The following FIGN variants were observed in gnomAD, a reference collection of about 807,000 sequenced individuals.
The protein encoded by FIGN is fidgetin, microtubule severing factor, also known as fidgetin.
FIGN carries 11 observed loss-of-function variants against 51.3 expected under a neutral mutation model. That is an observed-to-expected ratio of 0.21 (90% CI 0.13 to 0.35). The LOEUF (loss-of-function observed/expected upper bound fraction) is 0.35. Among genes scored for constraint, FIGN ranks in the 10% least tolerant of loss-of-function variants. The pLI, the probability that FIGN is intolerant of heterozygous loss-of-function variation, is 1.00. For missense variants in FIGN, 857 were observed against 943.6 expected, an observed-to-expected ratio of 0.91 and a Z score of 1.20; for synonymous variants, 407 against 363.2, an observed-to-expected ratio of 1.12 and a Z score of -1.37.
rs2105293406 is a variant in FIGN, at chr2:163,603,242, T to A, written c.*6310A>T. On this transcript the variant is annotated 3_prime_UTR_variant, in exon 3 of 3. Transcript: ENST00000333129. ...ATGTAAAATAATGCACACAAAAAAATGATTTGAAATTTGCAGAACAAATAA... is the reference window on the plus strand; with the variant it reads ...ATGTAAAATAATGCACACAAAAAAAAGATTTGAAATTTGCAGAACAAATAA... The A allele has an allele frequency of 6.6e-6, 1 of 152,172 alleles. No individual in the cohort carries two copies. The highest frequency in any genetic ancestry group is 2.1e-4 in the South Asian group (1 of 4,830). 9.4% of individuals were successfully genotyped at this position (152,172 alleles called of 1,614,324 possible).
intron 2 of FIGN, among the ~76,000 whole-genome samples, chr2:163,649,946 T>C (rs558492703): frequency 6.6e-6 from 1 of 152,314 alleles, no homozygotes; most frequent in East Asian, 1.9e-4. Context: ...AGTACCATTA[T>C]TGCCCAGCGT....
rs542083694 is a variant in FIGN at position 163,726,351 on chromosome 2, C to A, written c.25+8552G>T. Among the ~76,000 whole-genome samples the A allele has an allele frequency of 1.3e-4, 20 of 152,168 alleles. No individual in the cohort carries two copies. The East Asian group carries it at 3.5e-3, about 27-fold the overall frequency. On this transcript the variant is annotated intron_variant, in intron 2 of 2. Transcript: ENST00000333129. ...CACGATAAGGGCAGGGGGGATAAGA[C>A]CCACATCTTTTGTAAGTTGGGCCTA... is the stretch of plus-strand genomic sequence containing the variant.
intron 2 of FIGN, chr2:163,612,685 G>A (rs971401316): frequency 2.0e-5 from 17 of 835,820 alleles, no homozygotes; most frequent in Non-Finnish European, 2.3e-5. Context: ...GGTACTAAGA[G>A]GGGAGAATGT....
chr2:163,725,575 T>C lies in FIGN; in HGVS notation c.25+9328A>G, dbSNP rs1013862479. ...GAACTACCATTACATGGTGGTAAAA[T>C]TGTAGATTTTTTACCCATGATTATG... On this transcript the variant is annotated intron_variant, in intron 2 of 2. Transcript: ENST00000333129. 4.6e-5 allele frequency among the ~76,000 whole-genome samples: 7 copies of C among 152,026 alleles called. No individual in the cohort carries two copies. In the East Asian group the frequency reaches 1.3e-3, roughly 29 times the overall value.
chr2:163,668,834 G>A (rs1267529458), intron 2 of FIGN, among the ~76,000 whole-genome samples: 2 of 151,798 alleles, frequency 1.3e-5, no homozygotes, highest in Non-Finnish European at 2.9e-5. Flanking sequence ...CCAGCTACTC[G>A]GGAGGCTGAG....
intron 2 of FIGN, among the ~76,000 whole-genome samples, chr2:163,731,814 C>T (rs1347551583): frequency 1.3e-5 from 2 of 151,978 alleles, no homozygotes; most frequent in African/African-American, 2.4e-5. Context: ...ATACAGCTTC[C>T]AAACAGAAGT....
intron 2 of FIGN, among the ~76,000 whole-genome samples, chr2:163,671,231 T>C (rs1683870458): frequency 6.6e-6 from 1 of 152,304 alleles, no homozygotes; most frequent in Non-Finnish European, 1.5e-5. Context: ...AAATATTCCA[T>C]GTGTAGCACA....
chr2:163,708,611 T>C (rs1192358298), intron 2 of FIGN, among the ~76,000 whole-genome samples: 1 of 152,162 alleles, frequency 6.6e-6, no homozygotes, highest in Non-Finnish European at 1.5e-5. Flanking sequence ...ATGTCAGTAG[T>C]AATTAAAATA....
Position 163,634,010 on chromosome 2 carries a change from T to TCAGC in FIGN, c.26-22208_26-22205dup, listed in dbSNP as rs201517159. Among the ~76,000 whole-genome samples, 667 of 152,168 alleles carry TCAGC rather than the reference T, an allele frequency of 4.4e-3. 21 individuals are homozygous for TCAGC. Among genetic ancestry groups the TCAGC allele is most frequent in the Admixed American group, 0.039 (592 of 15,272 alleles). The stretch of plus-strand genomic sequence containing the variant: ...TTCATTCCTTTGCCAATGCTTTAGG[T>TCAGC]CAGCTTCAACTCTTTTCAGCACAGT... On this transcript the variant is annotated intron_variant, in intron 2 of 2. Coordinates refer to ENST00000333129, the MANE Select transcript of FIGN (RefSeq NM_018086.4).
chr2:163,706,751 G>A (rs1167915450), intron 2 of FIGN, among the ~76,000 whole-genome samples: 1 of 152,258 alleles, frequency 6.6e-6, no homozygotes. Context: ...CAGCAACACT[G>A]AAATATTAGT....
intron 2 of FIGN, among the ~76,000 whole-genome samples, chr2:163,683,962 G>C (rs973193115): frequency 3.3e-5 from 5 of 151,908 alleles, no homozygotes; most frequent in Non-Finnish European, 7.4e-5. Flanking sequence ...GATTTTTCCT[G>C]TATCATCCTG....
chr2:163,648,809 A>T (rs538680390), intron 2 of FIGN, among the ~76,000 whole-genome samples: 18 of 152,306 alleles, frequency 1.2e-4, no homozygotes, highest in Non-Finnish European at 4.4e-5. Context: ...ATATTTTCCC[A>T]TTCTTTTTAC....
rs372357892 is a variant in FIGN, at chr2:163,636,210, AG to A, written c.26-24405del. Among the ~76,000 whole-genome samples the A allele has an allele frequency of 5.3e-5, 8 of 152,282 alleles. No homozygotes were observed. The East Asian group carries it at 1.5e-3, about 29-fold the overall frequency. Reference sequence around the variant, plus strand: ...ATTTTCTCTTTTGTGTAAGGTGCTTAGTTAGATTAAACTGTTTGCTACAACA... The same window carrying A: ...ATTTTCTCTTTTGTGTAAGGTGCTTATTAGATTAAACTGTTTGCTACAACA... On this transcript the variant is annotated intron_variant, in intron 2 of 2. Transcript: ENST00000333129.
rs1691031163 is a variant in FIGN, at chr2:163,603,986, G to A, written c.*5566C>T. ...GGAAATCAGAAACAAAATGCTTTCA[G>A]TTATGGAACTTGCAAGCACCATGAC... On this transcript the variant is annotated 3_prime_UTR_variant, in exon 3 of 3. Coordinates refer to ENST00000333129, the MANE Select transcript of FIGN (RefSeq NM_018086.4). The A allele has an allele frequency of 6.6e-6, 1 of 152,094 alleles. No individual in the cohort carries two copies. Among genetic ancestry groups the A allele is most frequent in the African/African-American group, 2.4e-5 (1 of 41,438 alleles). The allele number at this position is 152,094 out of a possible 1,614,324, so 9.4% of individuals were successfully genotyped here.
intron 2 of FIGN, among the ~76,000 whole-genome samples, chr2:163,670,692 G>C (rs1683862037): frequency 6.6e-6 from 1 of 152,130 alleles, no homozygotes; most frequent in African/African-American, 2.4e-5. Context: ...TAACATACTT[G>C]TCACCTCACC....
chr2:163,670,673 C>A (rs1015850008), intron 2 of FIGN, among the ~76,000 whole-genome samples: 2 of 152,170 alleles, frequency 1.3e-5, no homozygotes, highest in African/African-American at 4.8e-5. Flanking sequence ...AAGATTTAAT[C>A]AGGCTAGTTA....
intron 2 of FIGN, among the ~76,000 whole-genome samples, chr2:163,657,577 G>C (rs1683582600): frequency 6.6e-6 from 1 of 151,746 alleles, no homozygotes. Context: ...CAAGTTGTCT[G>C]AGTGAAGCTG....
chr2:163,734,800 C>A lies in FIGN; in HGVS notation c.25+103G>T, dbSNP rs1404899983. On this transcript the variant is annotated intron_variant, in intron 2 of 2. Transcript: ENST00000333129. ...TTTTTTAAAAAAAGGAATTCTATATCATGAGCAACTGCTTGCCAGGCAGTC... is the reference window on the plus strand; with the variant it reads ...TTTTTTAAAAAAAGGAATTCTATATAATGAGCAACTGCTTGCCAGGCAGTC... The A allele has an allele frequency of 2.9e-6, 3 of 1,041,012 alleles. No individual in the cohort carries two copies. The African/African-American group carries it at 4.9e-5, about 17-fold the overall frequency. The allele number at this position is 1,041,012 out of a possible 1,614,324, so 64.5% of individuals were successfully genotyped here.
chr2:163,617,836 A>G (rs538767842), intron 2 of FIGN, among the ~76,000 whole-genome samples: 1 of 152,306 alleles, frequency 6.6e-6, no homozygotes, highest in East Asian at 1.9e-4. Context: ...TATTAAGATT[A>G]CCTGAATAAT....
Sources: allele counts gnomAD v4.1 joint callset (sites outside exome capture counted in the v4.1 genomes callset), GRCh38; gene constraint gnomAD v4.1.1; transcripts MANE v1.5; gene names NCBI Gene and HGNC (gene_info 2026-07-23, HGNC 2026-07-21).